The following WWOX variants were observed in gnomAD, a reference collection of about 807,000 sequenced individuals.
WWOX encodes the protein WW domain containing oxidoreductase, also known as WW domain-containing oxidoreductase.
A neutral mutation model predicts 46.2 loss-of-function variants in WWOX; 69 were observed. That is an observed-to-expected ratio of 1.49 (90% CI 1.23 to 1.82). The LOEUF (loss-of-function observed/expected upper bound fraction) is 1.82. Ranked by LOEUF, WWOX falls within the 40% of genes most tolerant of loss-of-function variation. The pLI is 0.00. For synonymous variants in WWOX, 359 were observed against 202.6 expected, an observed-to-expected ratio of 1.77 and a Z score of -6.56; for missense variants, 919 against 542.6, an observed-to-expected ratio of 1.69 and a Z score of -6.89.
At chr16:78,498,363 G>C (rs967589757) in intron 8 of WWOX, among the ~76,000 whole-genome samples, 2 of 152,168 alleles carry the variant, frequency 1.3e-5, no homozygotes, top group Non-Finnish European at 2.9e-5. Context: ...TGATTTCACA[G>C]TTGATAGACC....
chr16:78,910,193 T>A (rs1370304139), intron 8 of WWOX, among the ~76,000 whole-genome samples: 1 of 152,160 alleles, frequency 6.6e-6, no homozygotes, highest in East Asian at 1.9e-4. Context: ...GTGACTTGCT[T>A]TAGCCAAAGA....
chr16:78,756,156 G>C (rs368384421), intron 8 of WWOX, among the ~76,000 whole-genome samples: 30 of 152,182 alleles, frequency 2.0e-4, no homozygotes, highest in African/African-American at 7.2e-4. Flanking sequence ...CTAGAGACTT[G>C]AATTTCTAGT....
chr16:78,759,405 C>A (rs746978629), intron 8 of WWOX, among the ~76,000 whole-genome samples: 1 of 152,166 alleles, frequency 6.6e-6, no homozygotes, highest in Non-Finnish European at 1.5e-5. Flanking sequence ...GCTTTTTCTT[C>A]TCTCACTGCT....
At chr16:78,317,559 C>A (rs1038523260) in intron 5 of WWOX, among the ~76,000 whole-genome samples, 3 of 152,174 alleles carry the variant, frequency 2.0e-5, no homozygotes, top group African/African-American at 7.2e-5. Context: ...ACCTTACCTC[C>A]TTCCAGAACC....
intron 8 of WWOX, among the ~76,000 whole-genome samples, chr16:78,998,670 C>G (rs1427061712): frequency 6.6e-6 from 1 of 152,200 alleles, no homozygotes; most frequent in Non-Finnish European, 1.5e-5. Context: ...GCGGCTAGCA[C>G]AGTGCTCAGC....
chr16:78,488,022 G>T (rs1274207102), intron 8 of WWOX, among the ~76,000 whole-genome samples: 1 of 152,152 alleles, frequency 6.6e-6, no homozygotes, highest in Admixed American at 6.5e-5. Context: ...TCTAAAATAA[G>T]TGGAACTGGG....
chr16:78,109,388 A>G (rs779861832), intron 2 of WWOX, among the ~76,000 whole-genome samples: 1 of 152,126 alleles, frequency 6.6e-6, no homozygotes, highest in African/African-American at 2.4e-5. Flanking sequence ...CAACATGTGC[A>G]CATGAAAAAA....
intron 1 of WWOX, among the ~76,000 whole-genome samples, chr16:78,101,479 T>TG (rs1310034755): frequency 1.3e-5 from 2 of 151,722 alleles, no homozygotes; most frequent in Non-Finnish European, 2.9e-5. Context: ...CCCGAATAGC[T>TG]GGGATTACAG....
At chr16:78,845,586 G>C (rs1181779352) in intron 8 of WWOX, among the ~76,000 whole-genome samples, 1 of 152,166 alleles carries the variant, frequency 6.6e-6, no homozygotes, top group Non-Finnish European at 1.5e-5. Flanking sequence ...AATTTACTAA[G>C]TGTGGCTTTG....
intron 8 of WWOX, among the ~76,000 whole-genome samples, chr16:79,142,607 G>A (rs959913233): frequency 6.6e-6 from 1 of 152,134 alleles, no homozygotes; most frequent in African/African-American, 2.4e-5. Context: ...AAATCACAGA[G>A]TCCATTTATT....
intron 8 of WWOX, among the ~76,000 whole-genome samples, chr16:79,160,133 G>A (rs2050456839): frequency 6.6e-6 from 1 of 152,210 alleles, no homozygotes; most frequent in African/African-American, 2.4e-5. Context: ...GAAGCCGTTG[G>A]AGTGGGTGCC....
chr16:78,656,206 G>A (rs144100586), intron 8 of WWOX, among the ~76,000 whole-genome samples: 1 of 151,988 alleles, frequency 6.6e-6, no homozygotes, highest in Non-Finnish European at 1.5e-5. Flanking sequence ...GTGAAAGGTA[G>A]GATCACCTCT....
chr16:78,821,230 C>T (rs919680091), intron 8 of WWOX, among the ~76,000 whole-genome samples: 8 of 152,078 alleles, frequency 5.3e-5, no homozygotes, highest in African/African-American at 9.7e-5. Flanking sequence ...TGTTGAGCAT[C>T]GTCTGTTACC....
chr16:78,718,520 C>G (rs1328993733), intron 8 of WWOX, among the ~76,000 whole-genome samples: 1 of 151,946 alleles, frequency 6.6e-6, no homozygotes, highest in African/African-American at 2.4e-5. Context: ...ATGAATTTGC[C>G]AGTCAGAAAA....
chr16:78,314,345 G>A (rs2151877705), intron 5 of WWOX, among the ~76,000 whole-genome samples: 1 of 148,238 alleles, frequency 6.7e-6, no homozygotes, highest in Middle Eastern at 3.5e-3. Context: ...CGCAGAGGTT[G>A]CAGTGAGCCG....
At chr16:79,108,466 G>C (rs748888910) in intron 8 of WWOX, among the ~76,000 whole-genome samples, 1 of 152,236 alleles carries the variant, frequency 6.6e-6, no homozygotes, top group African/African-American at 2.4e-5. Context: ...AGATTGCAAG[G>C]TGCAGGTATG....
intron 8 of WWOX, among the ~76,000 whole-genome samples, chr16:78,615,951 T>C (rs556258765): frequency 9.9e-5 from 15 of 152,114 alleles, no homozygotes; most frequent in African/African-American, 3.1e-4. Flanking sequence ...AGGGTTTCAC[T>C]GTGTTAGCCA....
intron 8 of WWOX, among the ~76,000 whole-genome samples, chr16:78,809,651 C>G (rs144080358): frequency 1.3e-5 from 2 of 152,268 alleles, no homozygotes; most frequent in African/African-American, 4.8e-5. Flanking sequence ...AGGGGCCCCC[C>G]ACCCCTGTTT....
At chr16:78,886,509 T>C (rs907285737) in intron 8 of WWOX, among the ~76,000 whole-genome samples, 1 of 151,776 alleles carries the variant, frequency 6.6e-6, no homozygotes, top group African/African-American at 2.4e-5. Flanking sequence ...GTATCTGATC[T>C]TCAGAGAAGT....
Sources: allele counts gnomAD v4.1 joint callset (sites outside exome capture counted in the v4.1 genomes callset), GRCh38; gene constraint gnomAD v4.1.1; transcripts MANE v1.5; gene names NCBI Gene and HGNC (gene_info 2026-07-23, HGNC 2026-07-21).